Variants in SURF6 observed in about 807,000 individuals in gnomAD.
SURF6 encodes surfeit 6, also known as surfeit locus protein 6.
In SURF6, 28 loss-of-function variants were observed where a neutral mutation model predicts 37.5. The observed-to-expected ratio is 0.75, with a 90% CI of 0.55 to 1.02. The LOEUF (loss-of-function observed/expected upper bound fraction) is 1.02, where lower values mean the gene tolerates loss of function less well. Among genes scored for constraint, SURF6 ranks in the 50% least tolerant of loss-of-function variants. SURF6 has a pLI of 0.00. For missense variants in SURF6, 560 were observed against 490.5 expected, an observed-to-expected ratio of 1.14 and a Z score of -1.34; for synonymous variants, 248 against 210.9, an observed-to-expected ratio of 1.18 and a Z score of -1.52.
At position 133,336,099 on chromosome 9, in the gene SURF6, G is replaced by A. The variant is rs2129934053; in HGVS notation, c.34C>T (p.Gln12Ter). ...ASLLAKDAYL[Q>*]SLAKKICSHS... is the part of the protein sequence containing the mutation. The stretch of plus-strand genomic sequence containing the variant: ...GAGCAGATCTTCTTGGCCAGGCTCT[G>A]CAGGTAGGCGTCCTTGGCGAGTAGA... Residue 12 changes from glutamine to a stop codon, truncating the protein, a stop_gained, in exon 1 of 5, where the codon CAG (glutamine) becomes TAG (stop). Coordinates refer to ENST00000372022, the MANE Select transcript of SURF6 (RefSeq NM_006753.6). LOFTEE classifies it high-confidence loss of function. The A allele has an allele frequency of 1.1e-5, 18 of 1,612,768 alleles. No individual in the cohort carries two copies. In the Middle Eastern group the frequency reaches 8.2e-4, roughly 74 times the overall value.
At chr9:133,335,976 C>T in intron 1 of SURF6, 63 bp downstream of exon 1, 1 of 1,422,978 alleles carries the variant, frequency 7.0e-7, no homozygotes, top group Non-Finnish European at 9.7e-7. Flanking sequence ...CTCGTCTACA[C>T]CGGCTCCGGC....
chr9:133,333,397 T>C (rs2129923444), intron 3 of SURF6, among the ~76,000 whole-genome samples: 1 of 152,164 alleles, frequency 6.6e-6, no homozygotes, highest in African/African-American at 2.4e-5. Context: ...AAGAGCTGCA[T>C]TGGTGCTTCC....
At chr9:133,332,914 C>G in intron 3 of SURF6, 154 bp from the exon 4 acceptor site, 1 of 689,608 alleles carries the variant, frequency 1.5e-6, no homozygotes, top group South Asian at 1.9e-5. Flanking sequence ...CCATGATGTT[C>G]CCCAAAAAGC....
chr9:133,334,667 T>A, intron 1 of SURF6, 66 bp from the exon 2 acceptor site: 1 of 1,562,566 alleles, frequency 6.4e-7, no homozygotes, highest in Non-Finnish European at 8.6e-7. Context: ...CAGGAAAGGC[T>A]CACCAAGGCT....
In SURF6 at chr9:133,332,277, C is replaced by T; in HGVS notation, c.678G>A (p.Gly226=). 2.5e-6 allele frequency: 4 copies of T among 1,601,834 alleles called. No individual in the cohort carries two copies. Among genetic ancestry groups the T allele is most frequent in the Non-Finnish European group, 2.5e-6 (3 of 1,178,712 alleles). The change falls in exon 5 of 5, where the codon GGG becomes GGA. Residue 226 remains glycine (G), a synonymous_variant. Coordinates refer to ENST00000372022, the MANE Select transcript of SURF6 (RefSeq NM_006753.6). ...RRKEKRQRVK[G]NLTPLTGRNY... ...TCCTCCCGGTCAGCGGCGTGAGGTT[C>T]CCCTTCACCCTCTGCCTCTTCTCTT...
In SURF6 at chr9:133,331,145, T is replaced by C. The variant is rs2129908910; in HGVS notation, c.*724A>G. 4 of 152,274 alleles carry C rather than the reference T, an allele frequency of 2.6e-5. No individual in the cohort carries two copies. The East Asian group carries it at 7.7e-4, about 29-fold the overall frequency. The allele number at this position is 152,274 out of a possible 1,614,324, so 9.4% of individuals were successfully genotyped here. A position where few individuals can be genotyped will look rare whatever the true frequency, so the allele number is the denominator to read the frequency against. The stretch of plus-strand genomic sequence containing the variant: ...CTTCCATCCCACTTTGTATCTTGCA[T>C]TCACTTCACTCTCTCTCCAGCTTTT... On this transcript the variant is annotated 3_prime_UTR_variant, in exon 5 of 5. Coordinates refer to ENST00000372022, the MANE Select transcript of SURF6 (RefSeq NM_006753.6).
intron 2 of SURF6, 122 bp from the exon 3 acceptor site, chr9:133,333,928 C>T (rs1835810623): frequency 1.3e-6 from 1 of 774,396 alleles, no homozygotes; most frequent in Non-Finnish European, 2.2e-6. Context: ...CCAGTAAATT[C>T]CACTCCACCG....
intron 3 of SURF6, 70 bp downstream of exon 3, chr9:133,333,648 C>T (rs2129923998): frequency 3.3e-5 from 49 of 1,473,420 alleles, no homozygotes; most frequent in Non-Finnish European, 4.1e-5. Flanking sequence ...TACGGCCCCT[C>T]GCTGACAGCT....
chr9:133,331,665 C>T lies in SURF6; in HGVS notation c.*204G>A, dbSNP rs890529148. 2.6e-5 allele frequency: 17 copies of T among 641,810 alleles called. No individual in the cohort carries two copies. The highest frequency in any genetic ancestry group is 1.1e-4 in the South Asian group (2 of 18,786). 39.8% of individuals were successfully genotyped at this position (641,810 alleles called of 1,614,324 possible). On this transcript the variant is annotated 3_prime_UTR_variant, in exon 5 of 5. Coordinates refer to ENST00000372022, the MANE Select transcript of SURF6 (RefSeq NM_006753.6). Reference sequence around the variant, plus strand: ...CTGGGTCTGAAGGTCCCGGATCCTGCGTTCAAGGATGACGCTGAAACTCTC... The same window carrying T: ...CTGGGTCTGAAGGTCCCGGATCCTGTGTTCAAGGATGACGCTGAAACTCTC...
Position 133,333,759 on chromosome 9 carries a change from G to A in SURF6, c.352C>T (p.Arg118Ter), listed in dbSNP as rs2129924709. ...PESVFALDVL[R>*]QRLHEKIQEA... ...TGGATCTTCTCATGCAGTCGCTGTC[G>A]CAGAACATCCAGAGCAAAGACAGAC... The change falls in exon 3 of 5, where the codon CGA becomes TGA. Residue 118 changes from arginine (R) to a stop codon, truncating the protein, a stop_gained. Coordinates refer to ENST00000372022, the MANE Select transcript of SURF6 (RefSeq NM_006753.6). LOFTEE classifies it high-confidence loss of function. 2.5e-5 allele frequency: 40 copies of A among 1,613,808 alleles called. No individual in the cohort carries two copies. The highest frequency in any genetic ancestry group is 3.1e-5 in the Non-Finnish European group (36 of 1,179,950).
In SURF6 at chr9:133,331,367, A is replaced by G. The variant is rs1168904274; in HGVS notation, c.*502T>C. ...AGGAGCCATGGCGTTCTGCCCCAGG[A>G]TGCACCACGCCTGGACGTGCTCCCC... On this transcript the variant is annotated 3_prime_UTR_variant, in exon 5 of 5. Coordinates refer to ENST00000372022, the MANE Select transcript of SURF6 (RefSeq NM_006753.6). 6.5e-6 allele frequency: 1 copy of G among 154,462 alleles called. No homozygotes were observed. The highest frequency in any genetic ancestry group is 1.9e-4 in the East Asian group (1 of 5,250). 9.6% of individuals were successfully genotyped at this position (154,462 alleles called of 1,614,324 possible).
Position 133,334,718 on chromosome 9 carries a change from G to A in SURF6, c.95-117C>T, listed in dbSNP as rs2129928980. The A allele has an allele frequency of 1.4e-3, 1,759 of 1,229,898 alleles. 6 individuals carry two copies. The highest frequency in any genetic ancestry group is 1.7e-3 in the Non-Finnish European group (1,534 of 890,350). 76.2% of individuals were successfully genotyped at this position (1,229,898 alleles called of 1,614,324 possible). On this transcript the variant is annotated intron_variant, in intron 1 of 4. Coordinates refer to ENST00000372022, the MANE Select transcript of SURF6 (RefSeq NM_006753.6). The stretch of plus-strand genomic sequence containing the variant: ...TGCCGAAAGAGGATCAGGATCGGGG[G>A]CCAGAGACACTGATCCTAGAGCTCA...
chr9:133,333,998 G>A (rs2129925765), intron 2 of SURF6, among the ~76,000 whole-genome samples, 192 bp from the exon 3 acceptor site: 5 of 152,176 alleles, frequency 3.3e-5, no homozygotes, highest in African/African-American at 9.7e-5. Flanking sequence ...TGCCTCACGA[G>A]GTAGGTCACC....
rs2129916101 is a variant in SURF6 at position 133,332,195 on chromosome 9, G to A, written c.760C>T (p.Arg254Cys). 6 of 1,609,050 alleles carry A rather than the reference G, an allele frequency of 3.7e-6. No individual in the cohort carries two copies. The highest frequency in any genetic ancestry group is 2.2e-5 in the South Asian group (2 of 91,080). Residue 254 changes from arginine (R) to cysteine (C), a missense_variant, in exon 5 of 5, where the codon CGC (arginine) becomes TGC (cysteine). Coordinates refer to ENST00000372022, the MANE Select transcript of SURF6 (RefSeq NM_006753.6). ...QARQSRLDEL[R>C]GQDEGKAQEL... The stretch of plus-strand genomic sequence containing the variant: ...TGCGCCTTCCCCTCATCCTGGCCGC[G>A]CAGCTCGTCCAGCCGGCTCTGCCGT...
At chr9:133,335,994 C>A (rs1835866247) in intron 1 of SURF6, 45 bp downstream of exon 1, 5 of 1,552,254 alleles carry the variant, frequency 3.2e-6, no homozygotes, top group Middle Eastern at 3.4e-4. Flanking sequence ...GGCCGCGTCC[C>A]CCGTTTCGCA....
At position 133,334,535 on chromosome 9, in the gene SURF6, T is replaced by A; in HGVS notation, c.161A>T (p.Lys54Ile). Residue 54 changes from lysine to isoleucine, a missense_variant, in exon 2 of 5, where the codon AAA becomes ATA. Physicochemically the swap from Lys to Ile is moderately radical, Grantham distance 102. Transcript: ENST00000372022. ...PKKKRKKTQK[K>I]FRKREEKAAE... Reference sequence around the variant, plus strand: ...AGCCTTCTCTTCTCGCTTCCGGAATTTCTTTTGTGTTTTCTTCCTTTTCTT... The same window carrying A: ...AGCCTTCTCTTCTCGCTTCCGGAATATCTTTTGTGTTTTCTTCCTTTTCTT... 6.2e-7 allele frequency: 1 copy of A among 1,613,910 alleles called. No homozygotes were observed. Among genetic ancestry groups the A allele is most frequent in the African/African-American group, 1.3e-5 (1 of 75,064 alleles).
chr9:133,332,763 G>A lies in SURF6; in HGVS notation c.394-3C>T, dbSNP rs2129921323. 1.2e-6 allele frequency: 2 copies of A among 1,609,136 alleles called. No individual in the cohort carries two copies. The highest frequency in any genetic ancestry group is 1.7e-5 in the Admixed American group (1 of 59,964). On this transcript the variant is annotated splice_region_variant and splice_polypyrimidine_tract_variant and intron_variant, in intron 3 of 4. Coordinates refer to ENST00000372022, the MANE Select transcript of SURF6 (RefSeq NM_006753.6). ...GGGGACAGCTCCTTGGCACTGCCCT[G>A]GGGGAAAGAGGCACCCACTCATTAA... is the stretch of plus-strand genomic sequence containing the variant.
At chr9:133,334,000 T>C (rs1034501825) in intron 2 of SURF6, among the ~76,000 whole-genome samples, 194 bp from the exon 3 acceptor site, 5 of 152,148 alleles carry the variant, frequency 3.3e-5, no homozygotes, top group Non-Finnish European at 5.9e-5. Context: ...CCTCACGAGG[T>C]AGGTCACCGT....
At chr9:133,334,034 G>C (rs1426623177) in intron 2 of SURF6, among the ~76,000 whole-genome samples, 1 of 152,132 alleles carries the variant, frequency 6.6e-6, no homozygotes, top group Middle Eastern at 3.2e-3. Context: ...ACTTCCTACG[G>C]TGCAAGCCAA....
Sources: gnomAD v4.1 joint callset for allele counts (sites outside exome capture counted in the v4.1 genomes callset) on GRCh38, gnomAD v4.1.1 for gene constraint, MANE v1.5 for transcripts, NCBI Gene and HGNC (gene_info 2026-07-23, HGNC 2026-07-21) for gene names.